Variants in RELCH observed in about 807,000 individuals in gnomAD.
The protein encoded by RELCH is RAB11 binding and LisH domain, coiled-coil and HEAT repeat containing, also known as RAB11-binding protein RELCH.
Under a neutral mutation model 150.3 loss-of-function variants are expected in RELCH, and 41 were observed. The observed-to-expected ratio is 0.27, with a 90% CI of 0.21 to 0.35. The LOEUF (loss-of-function observed/expected upper bound fraction) is 0.35, where lower values mean the gene tolerates loss of function less well. Among genes scored for constraint, RELCH ranks in the 10% least tolerant of loss-of-function variants. The probability of loss-of-function intolerance (pLI) is 1.00; values close to 1 mark genes in which losing one functional copy is unlikely to be tolerated. For synonymous variants in RELCH, 478 were observed against 531.8 expected, an observed-to-expected ratio of 0.90 and a Z score of 1.39; for missense variants, 1,092 against 1,467.8, an observed-to-expected ratio of 0.74 and a Z score of 4.18.
In RELCH at chr18:62,261,514, G is replaced by A. The variant is rs1161973079; in HGVS notation, c.2206G>A (p.Gly736Arg). ...LNKIEKLLRE[G>R]EHGLDEHKLH... is the part of the protein sequence containing the mutation. ...CTTCCACCTCCTTATGTTTCAGGAA[G>A]GAGAACATGGACTGGATGAACACAA... The change falls in exon 16 of 29, where the codon GGA (glycine) becomes AGA (arginine). Residue 736 changes from glycine (G) to arginine (R), a missense_variant. By Grantham distance (125) the Gly-to-Arg change is moderately radical (BLOSUM62 -2). This residue lies in a region of RELCH where 707 missense variants were observed against 1,025.4 expected (regional missense o/e 0.69). Coordinates refer to ENST00000644646, the MANE Select transcript of RELCH (RefSeq NM_001346231.2). The A allele has an allele frequency of 1.9e-6, 3 of 1,610,064 alleles. No homozygotes were observed. In the South Asian group the frequency reaches 3.3e-5, roughly 18 times the overall value.
At chr18:62,225,711 G>C (rs1003178095) in intron 5 of RELCH, among the ~76,000 whole-genome samples, 7 of 151,864 alleles carry the variant, frequency 4.6e-5, no homozygotes, top group African/African-American at 1.2e-4. Flanking sequence ...ATTATTTCTA[G>C]TTCTAAGCTC....
chr18:62,260,072 C>T (rs558216661), intron 15 of RELCH, among the ~76,000 whole-genome samples: 23 of 150,490 alleles, frequency 1.5e-4, no homozygotes, highest in Admixed American at 4.7e-4. Context: ...AAAGCTTCCG[C>T]GCAGCAAAGG....
chr18:62,255,280 T>A (rs750614498), intron 12 of RELCH, 127 bp from the exon 13 acceptor site: 1 of 713,948 alleles, frequency 1.4e-6, no homozygotes, highest in Non-Finnish European at 2.5e-6. Flanking sequence ...AAACAGGGAT[T>A]CCCAGAAGTG....
intron 20 of RELCH, chr18:62,269,486 T>C (rs764105652): frequency 6.2e-5 from 21 of 340,088 alleles, no homozygotes; most frequent in Non-Finnish European, 1.2e-4. Flanking sequence ...ATGTGTTTCA[T>C]ATACACATTA....
intron 21 of RELCH, among the ~76,000 whole-genome samples, chr18:62,274,818 A>G (rs1263307701): frequency 1.3e-5 from 2 of 152,252 alleles, no homozygotes; most frequent in Non-Finnish European, 2.9e-5. Flanking sequence ...ATCTGTCACA[A>G]TTGTGAATTC....
chr18:62,245,022 G>A, intron 11 of RELCH, 146 bp downstream of exon 11: 1 of 590,290 alleles, frequency 1.7e-6, no homozygotes. Context: ...CCCCCATCAT[G>A]GATTCACTCC....
In RELCH at chr18:62,243,955, G is replaced by A. The variant is rs9952586; in HGVS notation, c.1621-809G>A. 9.2e-3 allele frequency among the ~76,000 whole-genome samples: 1,389 copies of A among 151,786 alleles called. 19 individuals carry two copies. Among genetic ancestry groups the A allele is most frequent in the East Asian group, 0.052 (268 of 5,174 alleles). On this transcript the variant is annotated intron_variant, in intron 10 of 28. Transcript: ENST00000644646. ...GTTTTTATAACTTAGAGGATTTCTC[G>A]CAAAAATATTTTATTACTTTTGGAC...
At chr18:62,211,330 T>G in intron 2 of RELCH, 88 bp downstream of exon 2, 1 of 792,340 alleles carries the variant, frequency 1.3e-6, no homozygotes, top group African/African-American at 1.7e-5. Context: ...TTCTACAGTT[T>G]GGTATGTGAC....
intron 2 of RELCH, among the ~76,000 whole-genome samples, chr18:62,219,108 G>C (rs1375893028): frequency 6.6e-6 from 1 of 151,716 alleles, no homozygotes; most frequent in African/African-American, 2.4e-5. Flanking sequence ...ATATTGATAA[G>C]TATTATCTTT....
chr18:62,191,104 A>G (rs2038601204), intron 1 of RELCH, among the ~76,000 whole-genome samples: 1 of 152,148 alleles, frequency 6.6e-6, no homozygotes, highest in African/African-American at 2.4e-5. Context: ...TGTGTCTTTT[A>G]AGACATTTGT....
chr18:62,245,254 T>C (rs966058734), intron 11 of RELCH, among the ~76,000 whole-genome samples: 3 of 152,234 alleles, frequency 2.0e-5, no homozygotes, highest in Non-Finnish European at 4.4e-5. Context: ...TAAGACCTGA[T>C]TACTTATCAC....
chr18:62,278,801 A>C (rs1348058976), intron 22 of RELCH, among the ~76,000 whole-genome samples: 1 of 152,118 alleles, frequency 6.6e-6, no homozygotes, highest in African/African-American at 2.4e-5. Flanking sequence ...TGCTAAATGA[A>C]TTGTTTTGTG....
chr18:62,292,328 A>G (rs1340193688), intron 27 of RELCH, among the ~76,000 whole-genome samples: 2 of 152,168 alleles, frequency 1.3e-5, no homozygotes, highest in African/African-American at 4.8e-5. Context: ...GTCTCTCTGC[A>G]GCATTTTCTG....
chr18:62,220,917 T>C (rs1023661057), intron 2 of RELCH, 120 bp from the exon 3 acceptor site: 1 of 826,772 alleles, frequency 1.2e-6, no homozygotes, highest in Non-Finnish European at 2.0e-6. Flanking sequence ...TTGCATGCTT[T>C]CTGTTTTCAA....
At chr18:62,190,092 T>G (rs2038510829) in intron 1 of RELCH, among the ~76,000 whole-genome samples, 1 of 152,240 alleles carries the variant, frequency 6.6e-6, no homozygotes, top group African/African-American at 2.4e-5. Context: ...TTAATGGTAG[T>G]TGCCTTACCT....
rs546956921 is a variant in RELCH, at chr18:62,215,329, C to G, written c.616+4087C>G. Among the ~76,000 whole-genome samples, 18 of 152,224 alleles carry G rather than the reference C, an allele frequency of 1.2e-4. No homozygotes were observed. The South Asian group carries it at 1.7e-3, about 14-fold the overall frequency. On this transcript the variant is annotated intron_variant, in intron 2 of 28. Transcript: ENST00000644646. ...TCTGTATTATTTTCCTATAGCAATGCTGGGTAGAAGGAGCTTGTGGATAAC... is the reference window on the plus strand; with the variant it reads ...TCTGTATTATTTTCCTATAGCAATGGTGGGTAGAAGGAGCTTGTGGATAAC...
At chr18:62,236,830 T>G (rs893769585) in intron 10 of RELCH, among the ~76,000 whole-genome samples, 1 of 151,798 alleles carries the variant, frequency 6.6e-6, no homozygotes, top group Non-Finnish European at 1.5e-5. Context: ...TAATCTTTAT[T>G]ATTTCTTTCC....
intron 11 of RELCH, 37 bp downstream of exon 11, chr18:62,244,913 G>C (rs751140729): frequency 7.5e-7 from 1 of 1,336,582 alleles, no homozygotes. Flanking sequence ...GAAATACAAT[G>C]TGACTTACTG....
chr18:62,278,625 T>C (rs1401001054), intron 22 of RELCH, among the ~76,000 whole-genome samples: 2 of 152,154 alleles, frequency 1.3e-5, no homozygotes, highest in Non-Finnish European at 2.9e-5. Flanking sequence ...AAGTACTAGC[T>C]ACTAGGTAAA....
Sources: gnomAD v4.1 joint callset for allele counts (sites outside exome capture counted in the v4.1 genomes callset) on GRCh38, gnomAD v4.1.1 for gene constraint, gnomAD v4.1.1 regional missense constraint, MANE v1.5 for transcripts, NCBI Gene and HGNC (gene_info 2026-07-23, HGNC 2026-07-21) for gene names.